The following RUFY3 variants were observed in gnomAD, a reference collection of about 807,000 sequenced individuals.
The protein encoded by RUFY3 is protein RUFY3.
Under a neutral mutation model 84.0 loss-of-function variants are expected in RUFY3, and 34 were observed. The ratio of observed to expected loss-of-function variants is 0.40; its 90% CI spans 0.31 to 0.54. The LOEUF is 0.54. Among genes scored for constraint, RUFY3 ranks in the 20% least tolerant of loss-of-function variants. The pLI is 0.39. For missense variants in RUFY3, 507 were observed against 736.8 expected (o/e 0.69, Z 3.61); for synonymous variants, 242 against 252.9 (o/e 0.96, Z 0.41).
chr4:70,765,101 T>C (rs1725630139), intron 4 of RUFY3, among the ~76,000 whole-genome samples: 1 of 150,074 alleles, frequency 6.7e-6, no homozygotes, highest in East Asian at 2.0e-4. Context: ...GGCACGAGAA[T>C]CGCTTGGACC....
intron 1 of RUFY3, among the ~76,000 whole-genome samples, chr4:70,733,878 A>G (rs1719860066): frequency 6.6e-6 from 1 of 152,222 alleles, no homozygotes; most frequent in South Asian, 2.1e-4. Flanking sequence ...ATTCTACAAG[A>G]GGACATATTA....
chr4:70,793,450 T>G, intron 12 of RUFY3: 1 of 1,097,280 alleles, frequency 9.1e-7, no homozygotes, highest in Non-Finnish European at 1.1e-6. Context: ...TAAATTACTG[T>G]GTACTTGAGG....
At chr4:70,712,803 C>G (rs890979972) in intron 1 of RUFY3, among the ~76,000 whole-genome samples, 1 of 152,094 alleles carries the variant, frequency 6.6e-6, no homozygotes, top group African/African-American at 2.4e-5. Flanking sequence ...CAATAGGCAA[C>G]CTGTAGCCAA....
chr4:70,784,656 A>T, intron 9 of RUFY3, 140 bp from the exon 10 acceptor site: 2 of 462,718 alleles, frequency 4.3e-6, no homozygotes, highest in Non-Finnish European at 7.5e-6. Context: ...AATGTACTAG[A>T]CTTCAATTTC....
intron 1 of RUFY3, among the ~76,000 whole-genome samples, chr4:70,713,151 G>C (rs544345118): frequency 1.3e-5 from 2 of 152,254 alleles, no homozygotes; most frequent in African/African-American, 4.8e-5. Flanking sequence ...AGTCTCCTGA[G>C]TAGCAGGGAC....
Position 70,798,585 on chromosome 4 carries a change from A to T in RUFY3, c.1558-1556A>T, listed in dbSNP as rs1403056970. On this transcript the variant is annotated intron_variant, in intron 14 of 17. Transcript: ENST00000381006. ...TTGCCTGAGCCCAGGAGTTTGAGAC[A>T]AGCCTGGGCAACATGGTGAAACCCC... Among the ~76,000 whole-genome samples, 5 of 151,888 alleles carry T rather than the reference A, an allele frequency of 3.3e-5. No individual in the cohort carries two copies. In the East Asian group the frequency reaches 9.7e-4, roughly 29 times the overall value.
At chr4:70,768,889 TAAAC>T (rs536507016) in intron 5 of RUFY3, among the ~76,000 whole-genome samples, 119 of 152,256 alleles carry the variant, frequency 7.8e-4, no homozygotes, top group Non-Finnish European at 1.2e-3. Flanking sequence ...TACTCTCTGT[TAAAC>T]ATACATATAC....
intron 1 of RUFY3, among the ~76,000 whole-genome samples, chr4:70,716,324 TTACTAGAG>T (rs913596752): frequency 2.0e-5 from 3 of 151,854 alleles, no homozygotes; most frequent in Admixed American, 6.6e-5. Context: ...TTTTGTATTT[TTACTAGAG>T]ACGGGGTTTC....
chr4:70,774,291 CCA>C (rs1316949375), intron 6 of RUFY3, among the ~76,000 whole-genome samples: 2 of 151,760 alleles, frequency 1.3e-5, no homozygotes, highest in African/African-American at 4.8e-5. Context: ...CCTTCTTTAT[CCA>C]CAGTTTAATT....
upstream of RUFY3, among the ~76,000 whole-genome samples, chr4:70,720,403 C>T (rs138767887): frequency 7.2e-5 from 11 of 152,252 alleles, 1 homozygote; most frequent in Admixed American, 2.0e-4. Context: ...AGGCTGGTCT[C>T]GAACTCCTGA....
intron 1 of RUFY3, among the ~76,000 whole-genome samples, chr4:70,724,173 C>T (rs1047529143): frequency 2.0e-5 from 3 of 152,074 alleles, no homozygotes; most frequent in Non-Finnish European, 2.9e-5. Flanking sequence ...AACATCGTTA[C>T]ATCCAACAAT....
intron 16 of RUFY3, among the ~76,000 whole-genome samples, chr4:70,804,147 T>G (rs1222245229): frequency 6.6e-6 from 1 of 152,192 alleles, no homozygotes; most frequent in Non-Finnish European, 1.5e-5. Flanking sequence ...ATCATGTTAT[T>G]ATAAAAATTA....
chr4:70,744,610 GTT>G (rs1048414631), intron 1 of RUFY3, among the ~76,000 whole-genome samples: 1 of 149,034 alleles, frequency 6.7e-6, no homozygotes, highest in Admixed American at 6.7e-5. Flanking sequence ...CGTTGTTTTT[GTT>G]TTTTGTTTCA....
At chr4:70,778,531 G>T in intron 8 of RUFY3, 93 bp downstream of exon 8, 4 of 582,618 alleles carry the variant, frequency 6.9e-6, no homozygotes, top group African/African-American at 2.0e-5. Context: ...GAAAGAACTT[G>T]ACTTTTCAAA....
intron 13 of RUFY3, 82 bp downstream of exon 13, chr4:70,793,986 T>C: frequency 1.3e-6 from 2 of 1,500,124 alleles, no homozygotes; most frequent in Non-Finnish European, 9.0e-7. Context: ...TCTCATGACT[T>C]CCAGCCAGGT....
At chr4:70,716,251 T>C (rs965383270) in intron 1 of RUFY3, among the ~76,000 whole-genome samples, 5 of 152,092 alleles carry the variant, frequency 3.3e-5, no homozygotes, top group Admixed American at 3.3e-4. Flanking sequence ...CTTCAAGCAA[T>C]TCTCCTGCTT....
At chr4:70,794,065 C>A (rs1731210009) in intron 13 of RUFY3, among the ~76,000 whole-genome samples, 161 bp downstream of exon 13, 1 of 152,074 alleles carries the variant, frequency 6.6e-6, no homozygotes, top group South Asian at 2.1e-4. Context: ...TTCAACATTC[C>A]CCAAATCCGA....
At chr4:70,734,643 G>T (rs1208992794) in intron 1 of RUFY3, 1 of 831,742 alleles carries the variant, frequency 1.2e-6, no homozygotes, top group Non-Finnish European at 1.4e-6. Context: ...TCTAAATCTG[G>T]GTGAGAAATA....
At chr4:70,741,947 T>C (rs191469189) in intron 1 of RUFY3, among the ~76,000 whole-genome samples, 1 of 152,358 alleles carries the variant, frequency 6.6e-6, no homozygotes, top group Non-Finnish European at 1.5e-5. Flanking sequence ...GTTTTTTCAC[T>C]TGTTTGTTGA....
Sources: allele counts gnomAD v4.1 joint callset (sites outside exome capture counted in the v4.1 genomes callset), GRCh38; gene constraint gnomAD v4.1.1; transcripts MANE v1.5; gene names NCBI Gene and HGNC (gene_info 2026-07-23, HGNC 2026-07-21).